Variants in KLHL24 observed in about 807,000 individuals in gnomAD.
The protein encoded by KLHL24 is kelch like family member 24, also known as kelch-like protein 24.
Under a neutral mutation model 53.4 loss-of-function variants are expected in KLHL24, and 29 were observed. The ratio of observed to expected loss-of-function variants is 0.54; its 90% CI spans 0.40 to 0.74. KLHL24 has a LOEUF of 0.74. Among genes scored for constraint, KLHL24 ranks in the 30% least tolerant of loss-of-function variants. KLHL24 has a pLI of 0.00. For synonymous variants in KLHL24, 222 were observed against 253.7 expected, an observed-to-expected ratio of 0.88 and a Z score of 1.19; for missense variants, 504 against 744.0, an observed-to-expected ratio of 0.68 and a Z score of 3.75.
At chr3:183,639,949 C>T (rs2108757228) in intron 1 of KLHL24, among the ~76,000 whole-genome samples, 1 of 152,202 alleles carries the variant, frequency 6.6e-6, no homozygotes, top group Middle Eastern at 3.4e-3. Context: ...CACTTGAACC[C>T]GGGAGGTGGG....
intron 1 of KLHL24, among the ~76,000 whole-genome samples, chr3:183,641,357 AG>A (rs1159409693): frequency 6.6e-6 from 1 of 151,310 alleles, no homozygotes; most frequent in East Asian, 2.0e-4. Flanking sequence ...GCACACCTGT[AG>A]TCCCAGCTAC....
intron 3 of KLHL24, among the ~76,000 whole-genome samples, chr3:183,662,609 A>G (rs944671607): frequency 1.3e-5 from 2 of 152,172 alleles, no homozygotes; most frequent in Non-Finnish European, 2.9e-5. Flanking sequence ...TCCTGTCTCT[A>G]TTTTAAATCT....
At chr3:183,667,795 C>T (rs892908680) in intron 5 of KLHL24, among the ~76,000 whole-genome samples, 1 of 152,068 alleles carries the variant, frequency 6.6e-6, no homozygotes, top group Non-Finnish European at 1.5e-5. Context: ...TGGCTCACTG[C>T]AGCCTGGACA....
intron 3 of KLHL24, among the ~76,000 whole-genome samples, chr3:183,662,785 A>G (rs1199929839): frequency 6.6e-6 from 1 of 152,184 alleles, no homozygotes; most frequent in Non-Finnish European, 1.5e-5. Context: ...TATCTTTAGC[A>G]TTTTGGTATA....
At position 183,651,233 on chromosome 3, in the gene KLHL24, A is replaced by G. The variant is rs529830658; in HGVS notation, c.877A>G (p.Ile293Val). 6 of 1,614,168 alleles carry G rather than the reference A, an allele frequency of 3.7e-6. No homozygotes were observed. The highest frequency in any genetic ancestry group is 1.6e-4 in the Middle Eastern group (1 of 6,062). ...QLLHEARRYH[I>V]LGNEMMSPRT... The stretch of plus-strand genomic sequence containing the variant: ...GTTGCATGAAGCAAGACGGTACCAC[A>G]TACTTGGGAATGAAATGATGTCCCC... Residue 293 changes from isoleucine to valine, a missense_variant, in exon 3 of 8, where the codon ATA becomes GTA. Coordinates refer to ENST00000242810, the MANE Select transcript of KLHL24 (RefSeq NM_017644.3).
intron 5 of KLHL24, among the ~76,000 whole-genome samples, chr3:183,668,987 C>T (rs1372838939): frequency 6.6e-6 from 1 of 151,830 alleles, no homozygotes; most frequent in African/African-American, 2.4e-5. Context: ...ATAAATAACC[C>T]CAAAGAGATC....
intron 5 of KLHL24, among the ~76,000 whole-genome samples, chr3:183,666,335 C>G (rs1720554855): frequency 6.6e-6 from 1 of 152,048 alleles, no homozygotes; most frequent in Admixed American, 6.6e-5. Context: ...CATCACTGCT[C>G]ACTACAGCCT....
rs768639582 is a variant in KLHL24 at position 183,663,154 on chromosome 3, A to G, written c.921-304A>G. On this transcript the variant is annotated intron_variant, in intron 3 of 7. Transcript: ENST00000242810. This position sits in a 1 kb window ranked among gnomAD's most constrained non-coding sequence, Gnocchi z 4.9. The stretch of plus-strand genomic sequence containing the variant: ...AAACTGCATTTGAAAGTCATCCTTA[A>G]TATTGCCAGGATTCTGATTGGGTTA... 6.6e-6 allele frequency among the ~76,000 whole-genome samples: 1 copy of G among 152,180 alleles called. No homozygotes were observed. The highest frequency in any genetic ancestry group is 1.5e-5 in the Non-Finnish European group (1 of 68,034).
intron 6 of KLHL24, among the ~76,000 whole-genome samples, chr3:183,672,060 C>G (rs1007812841): frequency 3.3e-5 from 5 of 152,162 alleles, no homozygotes; most frequent in African/African-American, 1.2e-4. Flanking sequence ...GGTGGCCATT[C>G]ATTCTAGAAA....
At chr3:183,639,505 C>T (rs1715976258) in intron 1 of KLHL24, among the ~76,000 whole-genome samples, 1 of 151,522 alleles carries the variant, frequency 6.6e-6, no homozygotes, top group Non-Finnish European at 1.5e-5. Flanking sequence ...CGGCGGGCGC[C>T]TGTAGTCCCA....
intron 5 of KLHL24, among the ~76,000 whole-genome samples, chr3:183,669,480 TTC>T (rs1170870207): frequency 1.3e-5 from 2 of 152,176 alleles, no homozygotes; most frequent in African/African-American, 2.4e-5. Context: ...GTGCCACAGG[TTC>T]CATACTCCAT....
intron 5 of KLHL24, among the ~76,000 whole-genome samples, chr3:183,666,938 C>T (rs1720651103): frequency 6.6e-6 from 1 of 152,112 alleles, no homozygotes; most frequent in African/African-American, 2.4e-5. Flanking sequence ...TCGCATATGT[C>T]TTTGACTGAT....
intron 3 of KLHL24, among the ~76,000 whole-genome samples, chr3:183,658,325 C>T (rs982736538): frequency 6.6e-6 from 1 of 152,110 alleles, no homozygotes. Flanking sequence ...TCCCACTTAA[C>T]AGTATCTTGG....
chr3:183,648,897 G>A (rs546281474), intron 2 of KLHL24, among the ~76,000 whole-genome samples: 2 of 152,256 alleles, frequency 1.3e-5, no homozygotes, highest in East Asian at 3.9e-4. Flanking sequence ...CAGCTACTCG[G>A]GAGGCTGAGG....
chr3:183,647,079 G>A (rs1248438230), intron 2 of KLHL24, among the ~76,000 whole-genome samples: 1 of 150,002 alleles, frequency 6.7e-6, no homozygotes, highest in African/African-American at 2.5e-5. Context: ...CCAAAGTGCT[G>A]GGATTGCAGG....
chr3:183,639,970 A>G (rs1716109113), intron 1 of KLHL24, among the ~76,000 whole-genome samples: 1 of 152,214 alleles, frequency 6.6e-6, no homozygotes, highest in African/African-American at 2.4e-5. Flanking sequence ...GGTTGCAGTG[A>G]GCCAAGATTG....
chr3:183,649,742 A>AG (rs1388188377), intron 2 of KLHL24, among the ~76,000 whole-genome samples: 1 of 151,720 alleles, frequency 6.6e-6, no homozygotes, highest in African/African-American at 2.4e-5. Flanking sequence ...AAAGTAAAAA[A>AG]AAAAATAGCC....
At chr3:183,671,252 A>G in intron 6 of KLHL24, 30 bp downstream of exon 6, 1 of 1,579,018 alleles carries the variant, frequency 6.3e-7, no homozygotes, top group South Asian at 1.1e-5. Context: ...AGAAATTACC[A>G]ATATTAAGTA....
chr3:183,669,849 G>A (rs1044227986), intron 5 of KLHL24, among the ~76,000 whole-genome samples: 7 of 152,158 alleles, frequency 4.6e-5, no homozygotes, highest in African/African-American at 7.2e-5. Flanking sequence ...AGCGGGAAAC[G>A]TAAAGGAAGG....
Sources: allele counts gnomAD v4.1 joint callset (sites outside exome capture counted in the v4.1 genomes callset), GRCh38; gene constraint gnomAD v4.1.1; non-coding constraint Gnocchi (gnomAD v3.1); transcripts MANE v1.5; gene names NCBI Gene and HGNC (gene_info 2026-07-23, HGNC 2026-07-21).